NGEF: variants seen among roughly 807,000 people sequenced by gnomAD.
The protein encoded by NGEF is ephexin-1.
NGEF carries 31 observed loss-of-function variants against 80.9 expected under a neutral mutation model. The observed-to-expected ratio is 0.38, with a 90% CI of 0.29 to 0.52. NGEF has a LOEUF of 0.52. NGEF is among the 20% of genes least tolerant of loss of function. NGEF has a pLI of 0.84. For synonymous variants in NGEF, 371 were observed against 370.2 expected (o/e 1.00, Z -0.03); for missense variants, 709 against 926.2 (o/e 0.77, Z 3.04).
intron 1 of NGEF, among the ~76,000 whole-genome samples, chr2:232,978,687 C>A (rs967609761): frequency 6.6e-6 from 1 of 152,072 alleles, no homozygotes; most frequent in Non-Finnish European, 1.5e-5. Context: ...GCCCCGCCCC[C>A]AGCCCCGGCA....
intron 10 of NGEF, 200 bp downstream of exon 10, chr2:232,885,080 C>T (rs879308045): frequency 7.7e-5 from 45 of 583,266 alleles, no homozygotes; most frequent in African/African-American, 3.6e-4. Flanking sequence ...GAGACAGATC[C>T]GGACCACCGT....
intron 1 of NGEF, among the ~76,000 whole-genome samples, chr2:232,978,608 C>T (rs1348497720): frequency 6.6e-6 from 1 of 152,150 alleles, no homozygotes; most frequent in Non-Finnish European, 1.5e-5. Context: ...TAACCACCAC[C>T]ACCACCAAGA....
At chr2:232,902,061 C>T (rs971377854) in intron 5 of NGEF, among the ~76,000 whole-genome samples, 5 of 152,212 alleles carry the variant, frequency 3.3e-5, no homozygotes, top group African/African-American at 4.8e-5. Flanking sequence ...GAGCCAGGGG[C>T]GCAGGGCGCT....
At chr2:232,902,965 G>C (rs1162059941) in intron 5 of NGEF, among the ~76,000 whole-genome samples, 1 of 152,046 alleles carries the variant, frequency 6.6e-6, no homozygotes, top group African/African-American at 2.4e-5. Flanking sequence ...CTGCACTCCA[G>C]CATAAGTGAC....
At chr2:232,969,801 A>C (rs1011412563) in intron 3 of NGEF, among the ~76,000 whole-genome samples, 2 of 151,976 alleles carry the variant, frequency 1.3e-5, no homozygotes, top group African/African-American at 4.8e-5. Context: ...GGTGTGAGCC[A>C]CCACGCCGGC....
intron 1 of NGEF, among the ~76,000 whole-genome samples, chr2:232,982,284 A>C (rs1694446676): frequency 6.6e-6 from 1 of 152,106 alleles, no homozygotes; most frequent in South Asian, 2.1e-4. Context: ...GGTGGCCAGG[A>C]AGTGTGGCCT....
chr2:232,882,408 G>A (rs770055667), intron 12 of NGEF, 143 bp from the exon 13 acceptor site: 9 of 738,256 alleles, frequency 1.2e-5, no homozygotes, highest in South Asian at 6.9e-5. Flanking sequence ...GGGACAGCTC[G>A]GGGGAGCCAC....
At chr2:232,997,830 C>A (rs956023158) in intron 1 of NGEF, among the ~76,000 whole-genome samples, 3 of 152,210 alleles carry the variant, frequency 2.0e-5, no homozygotes, top group African/African-American at 4.8e-5. Context: ...TGCACCTTCC[C>A]TGTGCTCTGT....
chr2:232,928,372 G>A (rs111293641), intron 3 of NGEF, among the ~76,000 whole-genome samples: 8,030 of 151,670 alleles, frequency 0.053, 758 homozygotes, highest in African/African-American at 0.18. Flanking sequence ...GAGAGGGGCA[G>A]AGCTGCGGAG....
intron 1 of NGEF, among the ~76,000 whole-genome samples, chr2:232,990,651 G>T (rs1694632394): frequency 6.6e-6 from 1 of 152,032 alleles, no homozygotes; most frequent in African/African-American, 2.4e-5. Flanking sequence ...TTGGTACAAA[G>T]TAGTTGATCA....
intron 3 of NGEF, among the ~76,000 whole-genome samples, chr2:232,953,315 A>AAAAAAG (rs1559222254): frequency 6.7e-6 from 1 of 150,056 alleles, no homozygotes; most frequent in African/African-American, 2.4e-5. Context: ...AAAAAAAAAA[A>AAAAAAG]AAAAAGAAAA....
chr2:232,912,036 G>A (rs910082099), intron 5 of NGEF, among the ~76,000 whole-genome samples: 15 of 152,222 alleles, frequency 9.9e-5, no homozygotes, highest in African/African-American at 3.4e-4. Flanking sequence ...CAATGATGTT[G>A]AATAGGAATG....
chr2:232,985,192 C>T (rs1021206143), intron 1 of NGEF, among the ~76,000 whole-genome samples: 14 of 152,126 alleles, frequency 9.2e-5, no homozygotes, highest in Admixed American at 2.6e-4. Flanking sequence ...TTTATATTGT[C>T]GGAAGACCTG....
intron 3 of NGEF, among the ~76,000 whole-genome samples, chr2:232,929,506 G>T (rs531396569): frequency 6.6e-6 from 1 of 152,250 alleles, no homozygotes; most frequent in African/African-American, 2.4e-5. Context: ...GTGCCAGAAC[G>T]GGCAGGTCTG....
At chr2:232,993,488 G>T (rs1030053719) in intron 1 of NGEF, among the ~76,000 whole-genome samples, 1 of 151,820 alleles carries the variant, frequency 6.6e-6, no homozygotes, top group African/African-American at 2.4e-5. Context: ...AAATGGTTGG[G>T]GCACTTTGGA....
intron 3 of NGEF, among the ~76,000 whole-genome samples, chr2:232,940,532 A>G (rs889824566): frequency 1.3e-5 from 2 of 152,178 alleles, no homozygotes; most frequent in Admixed American, 6.5e-5. Context: ...TCTGTGCAAA[A>G]AAATGAGCAG....
chr2:232,945,630 A>G (rs1693541521), intron 3 of NGEF, among the ~76,000 whole-genome samples: 1 of 152,138 alleles, frequency 6.6e-6, no homozygotes, highest in Non-Finnish European at 1.5e-5. Flanking sequence ...TTCTCCCCAC[A>G]GCTCTGAGAG....
At chr2:232,969,530 A>G (rs1160698695) in intron 3 of NGEF, among the ~76,000 whole-genome samples, 1 of 121,742 alleles carries the variant, frequency 8.2e-6, no homozygotes, top group East Asian at 2.7e-4. Flanking sequence ...CATTTTTTTG[A>G]GACAGTCTCA....
At chr2:232,934,241 C>CAAAAAA (rs11329977) in intron 3 of NGEF, among the ~76,000 whole-genome samples, 1 of 98,848 alleles carries the variant, frequency 1.0e-5, no homozygotes, top group Non-Finnish European at 2.0e-5. Context: ...GACTGCATCT[C>CAAAAAA]AAAAAAAAAA....
Sources: allele counts gnomAD v4.1 joint callset (sites outside exome capture counted in the v4.1 genomes callset), GRCh38; gene constraint gnomAD v4.1.1; transcripts MANE v1.5; gene names NCBI Gene and HGNC (gene_info 2026-07-23, HGNC 2026-07-21).